SDK1: variants seen among roughly 807,000 people sequenced by gnomAD.
SDK1 encodes protein sidekick-1.
SDK1 carries 157 observed loss-of-function variants against 245.5 expected under a neutral mutation model. That is an observed-to-expected ratio of 0.64 (90% confidence interval 0.56 to 0.73). SDK1 has a LOEUF of 0.73. Ranked by LOEUF, SDK1 falls within the 30% of genes least tolerant of loss-of-function variation. The pLI is 0.00. For synonymous variants in SDK1, 1,647 were observed against 1,278.5 expected (o/e 1.29, Z -6.15); for missense variants, 3,583 against 3,002.3 (o/e 1.19, Z -4.52).
At chr7:3,318,976 A>T (rs1319343188) in intron 1 of SDK1, among the ~76,000 whole-genome samples, 1 of 152,124 alleles carries the variant, frequency 6.6e-6, no homozygotes, top group African/African-American at 2.4e-5. Context: ...GAAATGCCAC[A>T]GAAGCAGTTA....
intron 35 of SDK1, among the ~76,000 whole-genome samples, chr7:4,202,512 G>A (rs1783947236): frequency 6.6e-6 from 1 of 152,162 alleles, no homozygotes; most frequent in African/African-American, 2.4e-5. Context: ...GGTCACGTGG[G>A]GCCAGAGGGG....
At chr7:3,989,277 C>T (rs1036958549) in intron 14 of SDK1, among the ~76,000 whole-genome samples, 2 of 152,328 alleles carry the variant, frequency 1.3e-5, no homozygotes, top group Middle Eastern at 3.4e-3. Flanking sequence ...GAGAAGACAG[C>T]TTGTGCAGGA....
At chr7:3,802,004 G>C (rs1331104393) in intron 4 of SDK1, among the ~76,000 whole-genome samples, 1 of 152,198 alleles carries the variant, frequency 6.6e-6, no homozygotes, top group African/African-American at 2.4e-5. Flanking sequence ...CTTCAGCAGA[G>C]CTGTTCTCTT....
At chr7:3,570,035 C>A (rs1780057065) in intron 1 of SDK1, among the ~76,000 whole-genome samples, 2 of 152,138 alleles carry the variant, frequency 1.3e-5, no homozygotes, top group Admixed American at 1.3e-4. Flanking sequence ...TCACACACAC[C>A]AGCTCCATCA....
chr7:3,448,826 G>A (rs1780424888), intron 1 of SDK1, among the ~76,000 whole-genome samples: 1 of 152,108 alleles, frequency 6.6e-6, no homozygotes, highest in Admixed American at 6.6e-5. Context: ...TTTAAAAGCA[G>A]GATTTAGTAA....
intron 1 of SDK1, among the ~76,000 whole-genome samples, chr7:3,564,249 G>T (rs1779837040): frequency 6.6e-6 from 1 of 152,080 alleles, no homozygotes; most frequent in Non-Finnish European, 1.5e-5. Flanking sequence ...CACCTGACAT[G>T]ATAGAGAAGG....
rs188902615 is a variant in SDK1, at chr7:3,323,894, C to T, written c.298+22010C>T. The stretch of plus-strand genomic sequence containing the variant: ...TCTGTAGATAGGTTGGGTAAAGGTT[C>T]TTCTTCAGCCAGTAAAATGTCATCT... On this transcript the variant is annotated intron_variant, in intron 1 of 44. Transcript: ENST00000404826. 2.2e-4 allele frequency among the ~76,000 whole-genome samples: 34 copies of T among 152,304 alleles called. No individual in the cohort carries two copies. The East Asian group carries it at 5.4e-3, about 24-fold the overall frequency.
intron 1 of SDK1, among the ~76,000 whole-genome samples, chr7:3,556,040 A>C (rs1054028443): frequency 1.3e-5 from 2 of 152,224 alleles, no homozygotes; most frequent in Admixed American, 1.3e-4. Flanking sequence ...TAGAGCTACC[A>C]TATGATCCAG....
chr7:3,616,716 A>C (rs1014417570), intron 1 of SDK1, among the ~76,000 whole-genome samples: 1 of 152,254 alleles, frequency 6.6e-6, no homozygotes, highest in African/African-American at 2.4e-5. Flanking sequence ...GTGATCAACA[A>C]AATGACAAAA....
intron 13 of SDK1, among the ~76,000 whole-genome samples, chr7:3,978,407 G>T (rs1444611210): frequency 6.6e-6 from 1 of 152,092 alleles, no homozygotes; most frequent in Non-Finnish European, 1.5e-5. Context: ...AAAATAATAG[G>T]CTTTCTCTAA....
intron 31 of SDK1, among the ~76,000 whole-genome samples, chr7:4,161,511 T>A (rs1346477037): frequency 6.6e-6 from 1 of 152,048 alleles, no homozygotes; most frequent in African/African-American, 2.4e-5. Context: ...ACAGCCTCAC[T>A]GGAGGGGTGG....
chr7:3,733,612 A>G (rs1371397622), intron 4 of SDK1, among the ~76,000 whole-genome samples: 2 of 152,142 alleles, frequency 1.3e-5, no homozygotes, highest in African/African-American at 4.8e-5. Context: ...GCGAGTTCCA[A>G]AAGCTATGTC....
chr7:3,833,045 C>T (rs911586124), intron 5 of SDK1, among the ~76,000 whole-genome samples: 5 of 152,012 alleles, frequency 3.3e-5, no homozygotes, highest in Admixed American at 2.6e-4. Flanking sequence ...AATTCCCTAG[C>T]TCACCTCAGT....
intron 1 of SDK1, among the ~76,000 whole-genome samples, chr7:3,438,987 G>A (rs887901583): frequency 6.6e-6 from 1 of 151,512 alleles, no homozygotes; most frequent in Non-Finnish European, 1.5e-5. Context: ...CGAGTAGTTG[G>A]GATTACTGTT....
chr7:3,437,908 A>G (rs1376878529), intron 1 of SDK1, among the ~76,000 whole-genome samples: 4 of 152,218 alleles, frequency 2.6e-5, no homozygotes, highest in Admixed American at 6.5e-5. Flanking sequence ...TGAAAGAGAG[A>G]ACGCAGTGGT....
chr7:3,511,434 T>A (rs562545574), intron 1 of SDK1, among the ~76,000 whole-genome samples: 200 of 152,346 alleles, frequency 1.3e-3, no homozygotes, highest in Middle Eastern at 3.4e-3. Context: ...ATAAGTTGAT[T>A]ATTTAGGTCA....
intron 4 of SDK1, among the ~76,000 whole-genome samples, chr7:3,766,236 TAAGTA>T (rs1780250428): frequency 6.6e-6 from 1 of 152,194 alleles, no homozygotes; most frequent in South Asian, 2.1e-4. Context: ...TAATATTAAA[TAAGTA>T]AAGTAGTTGT....
rs142278465 is a variant in SDK1 at position 4,178,001 on chromosome 7, G to A, written c.4997-484G>A. The stretch of plus-strand genomic sequence containing the variant: ...AGCACGCAACCTAGATCCCTCGCAC[G>A]CGCAGTTCCCAATAGGGTTTGCACT... On this transcript the variant is annotated intron_variant, in intron 34 of 44. Coordinates refer to ENST00000404826, the MANE Select transcript of SDK1 (RefSeq NM_152744.4). Among the ~76,000 whole-genome samples the A allele has an allele frequency of 3.1e-3, 472 of 152,228 alleles. 2 individuals are homozygous for A. Among genetic ancestry groups the A allele is most frequent in the African/African-American group, 9.6e-3 (397 of 41,564 alleles).
chr7:3,506,997 C>T (rs180782875), intron 1 of SDK1, among the ~76,000 whole-genome samples: 1 of 152,196 alleles, frequency 6.6e-6, no homozygotes, highest in Admixed American at 6.5e-5. Context: ...TTGTGGGAAG[C>T]TACCTTACAA....
Sources: gnomAD v4.1 joint callset for allele counts (sites outside exome capture counted in the v4.1 genomes callset) on GRCh38, gnomAD v4.1.1 for gene constraint, MANE v1.5 for transcripts, NCBI Gene and HGNC (gene_info 2026-07-23, HGNC 2026-07-21) for gene names.